The following NLRP11 variants were observed in gnomAD, a reference collection of about 807,000 sequenced individuals.
NLRP11 encodes the protein NACHT, LRR and PYD domains-containing protein 11.
A neutral mutation model predicts 79.3 loss-of-function variants in NLRP11; 53 were observed. The observed-to-expected ratio is 0.67, with a 90% confidence interval of 0.54 to 0.84. The LOEUF (loss-of-function observed/expected upper bound fraction) is 0.84, where lower values mean the gene tolerates loss of function less well. Ranked by LOEUF, NLRP11 falls within the 40% of genes least tolerant of loss-of-function variation. The pLI is 0.00. For synonymous variants in NLRP11, 518 were observed against 462.6 expected (o/e 1.12, Z -1.54); for missense variants, 1,264 against 1,255.0 (o/e 1.01, Z -0.11).
intron 2 of NLRP11, among the ~76,000 whole-genome samples, chr19:55,813,744 A>G (rs1322051040): frequency 6.6e-6 from 1 of 152,156 alleles, no homozygotes; most frequent in Non-Finnish European, 1.5e-5. Context: ...GGCCCTGGGC[A>G]GAGGAGGAGG....
intron 1 of NLRP11, among the ~76,000 whole-genome samples, chr19:55,823,096 T>TCCCTGAC (rs1349410811): frequency 1.4e-5 from 2 of 147,128 alleles, no homozygotes; most frequent in African/African-American, 5.2e-5. Context: ...CTCAAGTGGG[T>TCCCTGAC]CCCTGACCCC....
chr19:55,798,693 G>A (rs866860660), intron 5 of NLRP11, among the ~76,000 whole-genome samples: 7 of 151,992 alleles, frequency 4.6e-5, no homozygotes, highest in Middle Eastern at 6.8e-3. Context: ...TACCCTTGTA[G>A]TAAAACTGAT....
chr19:55,808,098 G>A lies in NLRP11; in HGVS notation c.1842-84C>T, dbSNP rs112735283. ...AAACATGTAAATTAAAGTATGTTTT[G>A]AGAGTGCCTGTTGTCTGACTCAGAT... On this transcript the variant is annotated intron_variant, in intron 3 of 9. Coordinates refer to ENST00000589093, the Ensembl canonical transcript of NLRP11. 17 of 910,782 alleles carry A rather than the reference G, an allele frequency of 1.9e-5. No individual in the cohort carries two copies. The African/African-American group carries it at 2.0e-4, about 11-fold the overall frequency. The allele number at this position is 910,782 out of a possible 1,614,324, so 56.4% of individuals were successfully genotyped here. A position where few individuals can be genotyped will look rare whatever the true frequency, so the allele number is the denominator to read the frequency against.
chr19:55,810,114 C>T (rs759721662), exon 3 of NLRP11: 2 of 1,614,112 alleles, frequency 1.2e-6, no homozygotes, highest in Non-Finnish European at 1.7e-6. Flanking sequence ...CTCAACACAG[C>T]CAGATTTATA....
chr19:55,813,140 C>T (rs559139353), intron 2 of NLRP11, among the ~76,000 whole-genome samples: 1 of 152,172 alleles, frequency 6.6e-6, no homozygotes, highest in East Asian at 1.9e-4. Context: ...CCAGCCTGGC[C>T]AACATGCTGA....
chr19:55,803,255 G>A (rs917121218), intron 4 of NLRP11, among the ~76,000 whole-genome samples: 8 of 152,272 alleles, frequency 5.3e-5, no homozygotes, highest in African/African-American at 1.9e-4. Context: ...GCTGAGGCAG[G>A]AGAAGCACTT....
chr19:55,803,490 T>C (rs1979682241), intron 4 of NLRP11, among the ~76,000 whole-genome samples: 1 of 152,136 alleles, frequency 6.6e-6, no homozygotes, highest in African/African-American at 2.4e-5. Flanking sequence ...AGTGCTTCTG[T>C]ACAGCAAAAG....
exon 9 of NLRP11, chr19:55,788,924 A>G: frequency 6.2e-7 from 1 of 1,613,952 alleles, no homozygotes; most frequent in African/African-American, 1.3e-5. Context: ...GTTGGTGGTA[A>G]GAACAGAGGC....
chr19:55,814,684 A>G (rs556315481), intron 2 of NLRP11, among the ~76,000 whole-genome samples: 5 of 152,368 alleles, frequency 3.3e-5, no homozygotes, highest in Non-Finnish European at 7.4e-5. Context: ...TATCTAAAAT[A>G]TGAAGTGAGG....
intron 5 of NLRP11, 51 bp from the exon 6 acceptor site, chr19:55,796,301 C>G: frequency 7.0e-7 from 1 of 1,431,588 alleles, no homozygotes; most frequent in Non-Finnish European, 9.4e-7. Context: ...TAAGCTATCC[C>G]CTCTTTTAAA....
At chr19:55,823,318 C>A (rs1981998835) in intron 1 of NLRP11, among the ~76,000 whole-genome samples, 1 of 135,358 alleles carries the variant, frequency 7.4e-6, no homozygotes, top group Non-Finnish European at 1.5e-5. Flanking sequence ...GGGGAAAAAA[C>A]AGAACAGAAA....
At chr19:55,801,432 A>G in intron 5 of NLRP11, 140 bp downstream of exon 5, 1 of 648,404 alleles carries the variant, frequency 1.5e-6, no homozygotes, top group South Asian at 2.0e-5. Context: ...TGAAAGAAAC[A>G]AACCACGTGC....
intron 6 of NLRP11, 95 bp downstream of exon 6, chr19:55,795,985 G>T (rs1600177265): frequency 8.9e-7 from 1 of 1,127,506 alleles, no homozygotes; most frequent in Non-Finnish European, 1.3e-6. Context: ...GCTTTGCTTT[G>T]CTGTCCCTTT....
chr19:55,790,255 C>T (rs1032027721), intron 7 of NLRP11, among the ~76,000 whole-genome samples: 7 of 152,150 alleles, frequency 4.6e-5, no homozygotes, highest in African/African-American at 1.4e-4. Flanking sequence ...CAGGAGTTGA[C>T]GGCCTTTCTC....
chr19:55,829,493 T>C (rs1259931804), intron 1 of NLRP11, among the ~76,000 whole-genome samples: 4 of 151,744 alleles, frequency 2.6e-5, no homozygotes, highest in Admixed American at 2.0e-4. Flanking sequence ...CAGTGAAGCC[T>C]TGTCTCTACT....
At chr19:55,793,154 A>C (rs1001078622) in intron 6 of NLRP11, among the ~76,000 whole-genome samples, 1 of 152,192 alleles carries the variant, frequency 6.6e-6, no homozygotes, top group Non-Finnish European at 1.5e-5. Context: ...TGCCGGAATT[A>C]TAGGCGTGAG....
intron 6 of NLRP11, among the ~76,000 whole-genome samples, 183 bp downstream of exon 6, chr19:55,795,897 G>A (rs962626873): frequency 6.6e-6 from 1 of 152,072 alleles, no homozygotes; most frequent in Non-Finnish European, 1.5e-5. Flanking sequence ...AAACATTTTT[G>A]CCAACGTTTC....
intron 2 of NLRP11, among the ~76,000 whole-genome samples, chr19:55,815,357 C>A (rs997117980): frequency 2.0e-5 from 3 of 151,820 alleles, no homozygotes; most frequent in Admixed American, 2.0e-4. Flanking sequence ...AGTGAAACCC[C>A]ATCTCTACTA....
intron 2 of NLRP11, among the ~76,000 whole-genome samples, chr19:55,817,675 T>C (rs1201176271): frequency 6.6e-6 from 1 of 151,902 alleles, no homozygotes; most frequent in African/African-American, 2.4e-5. Context: ...CGGCGGGAAG[T>C]GTGAGAGGGA....
Sources: gnomAD v4.1 joint callset for allele counts (sites outside exome capture counted in the v4.1 genomes callset) on GRCh38, gnomAD v4.1.1 for gene constraint, MANE v1.5 for transcripts, NCBI Gene and HGNC (gene_info 2026-07-23, HGNC 2026-07-21) for gene names.